The following RNF38 variants were observed in gnomAD, a reference collection of about 807,000 sequenced individuals.
The protein encoded by RNF38 is E3 ubiquitin-protein ligase RNF38.
A neutral mutation model predicts 67.2 loss-of-function variants in RNF38; 15 were observed. That is an observed-to-expected ratio of 0.22 (90% CI 0.15 to 0.34). RNF38 has a LOEUF of 0.34. Among genes scored for constraint, RNF38 ranks in the 10% least tolerant of loss-of-function variants. The probability of loss-of-function intolerance (pLI) is 1.00; values close to 1 mark genes in which losing one functional copy is unlikely to be tolerated. For synonymous variants in RNF38, 220 were observed against 218.8 expected, an observed-to-expected ratio of 1.01 and a Z score of -0.05; for missense variants, 524 against 639.9, an observed-to-expected ratio of 0.82 and a Z score of 1.95.
intron 1 of RNF38, among the ~76,000 whole-genome samples, chr9:36,447,237 T>C (rs570983899): frequency 5.3e-5 from 8 of 152,078 alleles, no homozygotes; most frequent in Non-Finnish European, 7.4e-5. Flanking sequence ...TTTAGATGAC[T>C]CCTCCTGTAT....
At chr9:36,437,796 GAA>G (rs1044362457) in intron 1 of RNF38, among the ~76,000 whole-genome samples, 12 of 152,198 alleles carry the variant, frequency 7.9e-5, no homozygotes, top group African/African-American at 2.9e-4. Context: ...AAAGACACAG[GAA>G]AAGTCTTAAG....
At chr9:36,442,427 T>C (rs1455045846) in intron 1 of RNF38, among the ~76,000 whole-genome samples, 1 of 152,094 alleles carries the variant, frequency 6.6e-6, no homozygotes, top group Non-Finnish European at 1.5e-5. Context: ...ACCAAAAAAG[T>C]CAGATAGTGA....
At chr9:36,482,048 C>CT (rs767211095) in intron 1 of RNF38, among the ~76,000 whole-genome samples, 7,773 of 119,190 alleles carry the variant, frequency 0.065, 340 homozygotes, top group Middle Eastern at 0.12. Context: ...ATACTTTTGT[C>CT]TTTTTTTTTT....
At chr9:36,406,548 T>C (rs1038051355) in intron 2 of RNF38, among the ~76,000 whole-genome samples, 3 of 152,252 alleles carry the variant, frequency 2.0e-5, no homozygotes, top group Non-Finnish European at 2.9e-5. Context: ...TTGACACTTC[T>C]GCCCAATAAA....
chr9:36,448,161 G>C (rs1291048698), intron 1 of RNF38, among the ~76,000 whole-genome samples: 2 of 152,198 alleles, frequency 1.3e-5, no homozygotes, highest in Non-Finnish European at 2.9e-5. Context: ...TCTTCTTAAG[G>C]CCTGGGCCAG....
At chr9:36,400,858 T>G, upstream of RNF38, 2 of 976,076 alleles carry the variant, frequency 2.0e-6, no homozygotes, top group Middle Eastern at 5.3e-4. Context: ...CTCGGCCCCG[T>G]CCCGCAACAC....
intron 9 of RNF38, among the ~76,000 whole-genome samples, chr9:36,348,344 G>GT (rs1036557858): frequency 3.9e-5 from 6 of 152,002 alleles, no homozygotes; most frequent in African/African-American, 1.5e-4. Context: ...GTGGTGGCAT[G>GT]TATCTACTGT....
chr9:36,347,542 A>G (rs973018592), intron 9 of RNF38, among the ~76,000 whole-genome samples: 4 of 152,174 alleles, frequency 2.6e-5, no homozygotes, highest in African/African-American at 7.2e-5. Flanking sequence ...TGACGTTACT[A>G]TTGCACTTGT....
rs1036868996 is a variant in RNF38, at chr9:36,336,890, C to G, written c.*2862G>C. 1.3e-5 allele frequency: 2 copies of G among 152,130 alleles called. No individual in the cohort carries two copies. Among genetic ancestry groups the G allele is most frequent in the African/African-American group, 4.8e-5 (2 of 41,428 alleles). The allele number at this position is 152,130 out of a possible 1,614,324, so 9.4% of individuals were successfully genotyped here. A position where few individuals can be genotyped will look rare whatever the true frequency, so the allele number is the denominator to read the frequency against. ...AGTATATAAAATCTAAATATGCTTT[C>G]ACATTTTCCAGATTTTGCTCAAAAA... On this transcript the variant is annotated 3_prime_UTR_variant, in exon 12 of 12. Coordinates refer to ENST00000259605, the MANE Select transcript of RNF38 (RefSeq NM_022781.5).
intron 1 of RNF38, among the ~76,000 whole-genome samples, chr9:36,393,773 G>A (rs896753187): frequency 1.3e-5 from 2 of 152,086 alleles, no homozygotes; most frequent in African/African-American, 4.8e-5. Flanking sequence ...AAGCAGAACT[G>A]AGTCCTTCCC....
Position 36,339,619 on chromosome 9 carries a change from A to ACTTAAT in RNF38, c.*132_*133insATTAAG. ...AAGCTTTTATAGTTGATTAAGTCACACAGTGCAAAGAAAGGTCCATTGACC... is the reference window on the plus strand; with the variant it reads ...AAGCTTTTATAGTTGATTAAGTCACACTTAATCAGTGCAAAGAAAGGTCCATTGACC... On this transcript the variant is annotated 3_prime_UTR_variant, in exon 12 of 12. Coordinates refer to ENST00000259605, the MANE Select transcript of RNF38 (RefSeq NM_022781.5). 1.5e-6 allele frequency: 1 copy of ACTTAAT among 660,672 alleles called. No individual in the cohort carries two copies. The highest frequency in any genetic ancestry group is 2.7e-6 in the Non-Finnish European group (1 of 365,302). The allele number at this position is 660,672 out of a possible 1,614,324, so 40.9% of individuals were successfully genotyped here. A position where few individuals can be genotyped will look rare whatever the true frequency, so the allele number is the denominator to read the frequency against.
chr9:36,339,780 G>A lies in RNF38; in HGVS notation c.1520C>T (p.Ala507Val). 6.2e-7 allele frequency: 1 copy of A among 1,613,484 alleles called. No individual in the cohort carries two copies. Among genetic ancestry groups the A allele is most frequent in the East Asian group, 2.2e-5 (1 of 44,854 alleles). The change falls in exon 12 of 12, where the codon GCT becomes GTT. Residue 507 changes from alanine (A) to valine (V), a missense_variant. By Grantham distance (64) the Ala-to-Val change is moderately conservative. This residue lies in a region of RNF38 where 63 missense variants were observed against 122.5 expected (regional missense o/e 0.51). Transcript: ENST00000259605. ...NRTCPICRADASEVHRDSE is the reference protein window; with the variant it reads ...NRTCPICRADVSEVHRDSE ...TTCTGAATCCCGATGCACTTCTGAA[G>A]CATCAGCTCGGCAAATTGGGCAAGT... is the stretch of plus-strand genomic sequence containing the variant.
intron 1 of RNF38, among the ~76,000 whole-genome samples, chr9:36,398,816 G>C (rs1445913902): frequency 1.4e-4 from 22 of 152,200 alleles, no homozygotes; most frequent in Admixed American, 1.4e-3. Flanking sequence ...ACTAGAGGTA[G>C]TACAGAGAAA....
At chr9:36,394,471 A>G (rs1837378632) in intron 1 of RNF38, among the ~76,000 whole-genome samples, 1 of 152,272 alleles carries the variant, frequency 6.6e-6, no homozygotes, top group Non-Finnish European at 1.5e-5. Flanking sequence ...ATTGTACCAC[A>G]GTGAAAAAGT....
upstream of RNF38, among the ~76,000 whole-genome samples, chr9:36,405,765 AT>A (rs1217873006): frequency 6.6e-6 from 1 of 152,206 alleles, no homozygotes; most frequent in Non-Finnish European, 1.5e-5. Context: ...TCATTCTGAA[AT>A]TCACTATCTG....
intron 1 of RNF38, among the ~76,000 whole-genome samples, chr9:36,474,452 T>G (rs1447417041): frequency 6.7e-6 from 1 of 148,864 alleles, no homozygotes; most frequent in Non-Finnish European, 1.5e-5. Flanking sequence ...TTCAGTCTTT[T>G]GTTATCAAAA....
chr9:36,370,474 C>G (rs1172446325), intron 3 of RNF38, among the ~76,000 whole-genome samples: 1 of 152,072 alleles, frequency 6.6e-6, no homozygotes. Flanking sequence ...CAAATAGAAA[C>G]TGGGTAAACA....
chr9:36,405,561 G>A (rs866479087), upstream of RNF38, among the ~76,000 whole-genome samples: 2 of 152,220 alleles, frequency 1.3e-5, no homozygotes, highest in Non-Finnish European at 2.9e-5. Context: ...ATGAATCAGG[G>A]AGTACTGGCT....
chr9:36,345,201 T>C (rs1483055003), intron 9 of RNF38, among the ~76,000 whole-genome samples: 1 of 152,164 alleles, frequency 6.6e-6, no homozygotes, highest in East Asian at 1.9e-4. Context: ...TTTTTAAATG[T>C]TTCTTATGAA....
Sources: allele counts gnomAD v4.1 joint callset (sites outside exome capture counted in the v4.1 genomes callset), GRCh38; gene constraint gnomAD v4.1.1; regional missense constraint gnomAD v4.1.1; transcripts MANE v1.5; gene names NCBI Gene and HGNC (gene_info 2026-07-23, HGNC 2026-07-21).